Variants in EPHA3 observed in about 807,000 individuals in gnomAD.
EPHA3 encodes the protein ephrin type-A receptor 3.
EPHA3 carries 42 observed loss-of-function variants against 107.1 expected under a neutral mutation model. The observed-to-expected ratio is 0.39, with a 90% confidence interval of 0.31 to 0.51. EPHA3 has a LOEUF of 0.51. EPHA3 is among the 20% of genes least tolerant of loss of function. The pLI is 0.78. For synonymous variants in EPHA3, 461 were observed against 424.8 expected (o/e 1.09, Z -1.05); for missense variants, 1,183 against 1,211.2 (o/e 0.98, Z 0.35).
intron 3 of EPHA3, among the ~76,000 whole-genome samples, chr3:89,249,289 T>C (rs544446870): frequency 6.6e-6 from 1 of 152,336 alleles, no homozygotes; most frequent in African/African-American, 2.4e-5. Context: ...TTGAGAAGCT[T>C]TGACATCTCA....
intron 5 of EPHA3, among the ~76,000 whole-genome samples, chr3:89,345,546 A>G (rs1707625953): frequency 6.8e-6 from 1 of 148,120 alleles, no homozygotes; most frequent in Admixed American, 6.8e-5. Flanking sequence ...AATGTTACTT[A>G]TTTCTGAACC....
intron 5 of EPHA3, among the ~76,000 whole-genome samples, chr3:89,372,909 G>A (rs1265356685): frequency 6.6e-6 from 1 of 151,594 alleles, no homozygotes; most frequent in Non-Finnish European, 1.5e-5. Flanking sequence ...AAAGAACCAA[G>A]GATATGTCTA....
At chr3:89,456,820 T>C (rs1710106898) in intron 15 of EPHA3, among the ~76,000 whole-genome samples, 1 of 152,232 alleles carries the variant, frequency 6.6e-6, no homozygotes, top group African/African-American at 2.4e-5. Flanking sequence ...GTTTTAAGTT[T>C]TGATAGTACA....
chr3:89,344,736 A>T (rs1707604128), intron 5 of EPHA3, among the ~76,000 whole-genome samples: 1 of 152,196 alleles, frequency 6.6e-6, no homozygotes, highest in Non-Finnish European at 1.5e-5. Context: ...AAGGGGAAGC[A>T]TGAATGTGTC....
chr3:89,473,791 A>G (rs936929164), intron 16 of EPHA3, among the ~76,000 whole-genome samples: 1 of 152,154 alleles, frequency 6.6e-6, no homozygotes, highest in Non-Finnish European at 1.5e-5. Context: ...ATGAGGTAGT[A>G]TGAACTTGGC....
At chr3:89,180,973 T>C (rs995232580) in intron 2 of EPHA3, among the ~76,000 whole-genome samples, 2 of 151,942 alleles carry the variant, frequency 1.3e-5, no homozygotes, top group African/African-American at 4.8e-5. Context: ...AAGTGACTGA[T>C]AAACCCCTTT....
intron 7 of EPHA3, among the ~76,000 whole-genome samples, chr3:89,401,441 AAAT>A (rs145570758): frequency 0.011 from 1,702 of 152,326 alleles, 35 homozygotes; most frequent in African/African-American, 0.039. Flanking sequence ...AGTATGATGG[AAAT>A]AATGCAAGTG....
intron 2 of EPHA3, among the ~76,000 whole-genome samples, chr3:89,169,176 T>C (rs1705152248): frequency 6.6e-6 from 1 of 152,100 alleles, no homozygotes; most frequent in Non-Finnish European, 1.5e-5. Flanking sequence ...AATTTAAAAG[T>C]ATAAAAAGAT....
At chr3:89,460,017 T>C (rs746071722) in intron 15 of EPHA3, among the ~76,000 whole-genome samples, 1 of 152,182 alleles carries the variant, frequency 6.6e-6, no homozygotes, top group Admixed American at 6.5e-5. Context: ...ATAAATTTAT[T>C]CACTTATTTT....
At chr3:89,145,838 C>T (rs1321362703) in intron 2 of EPHA3, among the ~76,000 whole-genome samples, 2 of 151,426 alleles carry the variant, frequency 1.3e-5, no homozygotes, top group East Asian at 1.9e-4. Context: ...TTCAGTCAAA[C>T]AATATCATCA....
chr3:89,448,232 C>T (rs550053549), intron 13 of EPHA3, among the ~76,000 whole-genome samples: 2 of 152,158 alleles, frequency 1.3e-5, no homozygotes, highest in African/African-American at 4.8e-5. Flanking sequence ...CACACTCAAC[C>T]TCCTGAATCA....
At chr3:89,252,880 A>G (rs190454389) in intron 3 of EPHA3, among the ~76,000 whole-genome samples, 57 of 149,726 alleles carry the variant, frequency 3.8e-4, no homozygotes, top group African/African-American at 1.3e-3. Flanking sequence ...ATAATATATG[A>G]TATTTCTTAT....
intron 3 of EPHA3, among the ~76,000 whole-genome samples, chr3:89,255,089 A>C (rs1705250527): frequency 6.6e-6 from 1 of 152,246 alleles, no homozygotes; most frequent in African/African-American, 2.4e-5. Context: ...ATGTAAAATA[A>C]CTTTCATAAA....
intron 3 of EPHA3, among the ~76,000 whole-genome samples, chr3:89,255,405 A>G (rs1705260115): frequency 6.6e-6 from 1 of 152,254 alleles, no homozygotes; most frequent in Admixed American, 6.5e-5. Flanking sequence ...ATGGCCTAGC[A>G]GGCCAAATTC....
rs1279990429 is a variant in EPHA3 at position 89,209,908 on chromosome 3, T to C, written c.202T>C (p.Tyr68His). 3 of 1,613,182 alleles carry C rather than the reference T, an allele frequency of 1.9e-6. No homozygotes were observed. The highest frequency in any genetic ancestry group is 1.1e-5 in the South Asian group (1 of 91,004). ...TGAACATTACACACCCATCAGGACT[T>C]ACCAGGTGTGCAATGTCATGGACCA... ...VDEHYTPIRT[Y>H]QVCNVMDHSQ... is the part of the protein sequence containing the mutation. Residue 68 changes from tyrosine (Y) to histidine (H), a missense_variant, in exon 3 of 17, where the codon TAC becomes CAC. Transcript: ENST00000336596.
intron 3 of EPHA3, among the ~76,000 whole-genome samples, chr3:89,306,557 T>G (rs1010044287): frequency 6.6e-6 from 1 of 152,152 alleles, no homozygotes; most frequent in African/African-American, 2.4e-5. Context: ...AAGTTATAGT[T>G]GAATGTGGCC....
chr3:89,172,160 C>G (rs1031370312), intron 2 of EPHA3, among the ~76,000 whole-genome samples: 2 of 152,088 alleles, frequency 1.3e-5, no homozygotes, highest in African/African-American at 4.8e-5. Flanking sequence ...AATGGCCTGA[C>G]AGCAAGGATG....
Position 89,107,798 on chromosome 3 carries a change from A to G in EPHA3, c.50A>G (p.Asp17Gly), listed in dbSNP as rs1461534861. The change falls in exon 1 of 17, where the codon GAC becomes GGC. Residue 17 changes from aspartate to glycine, a missense_variant. Transcript: ENST00000336596. ...CTCCTTCTCAGCTGCTCTGTTCTCG[A>G]CAGCTTCGGGGAACTGATTCCGCAG... is the stretch of plus-strand genomic sequence containing the variant. ...ILLLLSCSVL[D>G]SFGELIPQPS... 6.2e-7 allele frequency: 1 copy of G among 1,614,148 alleles called. No individual in the cohort carries two copies.
At chr3:89,373,380 G>A (rs1708344001) in intron 5 of EPHA3, among the ~76,000 whole-genome samples, 2 of 151,772 alleles carry the variant, frequency 1.3e-5, no homozygotes, top group Non-Finnish European at 2.9e-5. Context: ...TATTTATGTA[G>A]GCTTTATATA....
Sources: allele counts gnomAD v4.1 joint callset (sites outside exome capture counted in the v4.1 genomes callset), GRCh38; gene constraint gnomAD v4.1.1; transcripts MANE v1.5; gene names NCBI Gene and HGNC (gene_info 2026-07-23, HGNC 2026-07-21).